ADGRA3: variants seen among roughly 807,000 people sequenced by gnomAD.
The protein encoded by ADGRA3 is G-protein coupled receptor 125.
In ADGRA3, 56 loss-of-function variants were observed where a neutral mutation model predicts 119.8. The ratio of observed to expected loss-of-function variants is 0.47; its 90% CI spans 0.38 to 0.58. ADGRA3 has a LOEUF of 0.58. Among genes scored for constraint, ADGRA3 ranks in the 20% least tolerant of loss-of-function variants. ADGRA3 has a pLI of 0.00. For synonymous variants in ADGRA3, 607 were observed against 623.8 expected, an observed-to-expected ratio of 0.97 and a Z score of 0.40; for missense variants, 1,516 against 1,649.0, an observed-to-expected ratio of 0.92 and a Z score of 1.40.
intron 14 of ADGRA3, among the ~76,000 whole-genome samples, chr4:22,408,087 C>T (rs897071964): frequency 3.9e-5 from 6 of 151,986 alleles, no homozygotes; most frequent in African/African-American, 1.4e-4. Flanking sequence ...TTTTTCCCCA[C>T]TAAGGAACAA....
intron 1 of ADGRA3, among the ~76,000 whole-genome samples, chr4:22,493,787 G>C (rs1718711524): frequency 6.6e-6 from 1 of 152,102 alleles, no homozygotes; most frequent in South Asian, 2.1e-4. Flanking sequence ...AAACAGTTAG[G>C]CATTCTAAGT....
Position 22,435,450 on chromosome 4 carries a change from G to A in ADGRA3, c.1304C>T (p.Thr435Ile). Reference protein sequence around the residue: ...YMFNQMPLNLTNAVATARQLL... With the variant: ...YMFNQMPLNLINAVATARQLL... ...CTGTCGAGCTGTTGCCACGGCATTGGTAAGATTGAGGGGCATCTACATTTC... is the reference window on the plus strand; with the variant it reads ...CTGTCGAGCTGTTGCCACGGCATTGATAAGATTGAGGGGCATCTACATTTC... The change falls in exon 10 of 19, where the codon ACC (threonine) becomes ATC (isoleucine). Residue 435 changes from threonine to isoleucine, a missense_variant. By Grantham distance (89) the Thr-to-Ile change is moderately conservative. This residue lies in a region of ADGRA3 where 1,088 missense variants were observed against 1,107.1 expected (regional missense o/e 0.98). Transcript: ENST00000334304. The A allele has an allele frequency of 6.2e-7, 1 of 1,601,768 alleles. No homozygotes were observed. The highest frequency in any genetic ancestry group is 8.5e-7 in the Non-Finnish European group (1 of 1,170,684).
chr4:22,450,255 T>A (rs1317506268), intron 4 of ADGRA3, among the ~76,000 whole-genome samples: 10 of 149,540 alleles, frequency 6.7e-5, no homozygotes, highest in Admixed American at 6.0e-4. Flanking sequence ...CCCACCCCCA[T>A]CCTTTATGCT....
intron 1 of ADGRA3, among the ~76,000 whole-genome samples, chr4:22,503,484 T>G (rs1229145500): frequency 1.3e-5 from 2 of 152,222 alleles, no homozygotes; most frequent in Admixed American, 1.3e-4. Flanking sequence ...TTAAAGAACC[T>G]GCATTACAGT....
chr4:22,442,508 G>A, intron 7 of ADGRA3, 142 bp downstream of exon 7: 2 of 533,004 alleles, frequency 3.8e-6, no homozygotes, highest in Non-Finnish European at 6.5e-6. Context: ...TAAGAACCAG[G>A]AAAAGGAAAT....
chr4:22,396,921 T>G (rs2109000096), intron 16 of ADGRA3, among the ~76,000 whole-genome samples: 1 of 152,306 alleles, frequency 6.6e-6, no homozygotes, highest in Admixed American at 6.5e-5. Flanking sequence ...ATTCATTTCC[T>G]TAGTGAAATA....
At chr4:22,471,357 T>A (rs2109117571) in intron 2 of ADGRA3, among the ~76,000 whole-genome samples, 1 of 152,094 alleles carries the variant, frequency 6.6e-6, no homozygotes, top group East Asian at 1.9e-4. Context: ...AGATAACTTT[T>A]GGGTACTGGG....
chr4:22,485,001 CT>C (rs1315702842), intron 1 of ADGRA3, among the ~76,000 whole-genome samples: 1 of 152,096 alleles, frequency 6.6e-6, no homozygotes, highest in Non-Finnish European at 1.5e-5. Context: ...AATAAATCCT[CT>C]GCTTAATTTT....
intron 1 of ADGRA3, among the ~76,000 whole-genome samples, chr4:22,513,845 C>CAAAAGAAAAAAAAAAAAAAAAAA (rs1719540288): frequency 3.2e-5 from 1 of 31,490 alleles, no homozygotes; most frequent in African/African-American, 9.9e-5. Context: ...AGCTTTCAGG[C>CAAAAGAAAAAAAAAAAAAAAAAA]AAAAAAAAAA....
chr4:22,459,458 CT>C (rs1717363416), intron 3 of ADGRA3, among the ~76,000 whole-genome samples: 1 of 151,474 alleles, frequency 6.6e-6, no homozygotes, highest in African/African-American at 2.4e-5. Flanking sequence ...ACTTGTACCC[CT>C]GAACTAAAAA....
At chr4:22,445,471 T>C (rs1464488399) in intron 5 of ADGRA3, among the ~76,000 whole-genome samples, 1 of 152,204 alleles carries the variant, frequency 6.6e-6, no homozygotes, top group Non-Finnish European at 1.5e-5. Context: ...ATCGAACTTC[T>C]ACCCATTTAT....
chr4:22,467,881 A>C (rs1192509433), intron 2 of ADGRA3, among the ~76,000 whole-genome samples: 1 of 152,212 alleles, frequency 6.6e-6, no homozygotes, highest in African/African-American at 2.4e-5. Context: ...TAATTGCTTA[A>C]ATAGAACTAA....
chr4:22,435,698 A>G (rs1716365963), intron 9 of ADGRA3, among the ~76,000 whole-genome samples: 1 of 152,200 alleles, frequency 6.6e-6, no homozygotes, highest in South Asian at 2.1e-4. Context: ...ATACATAAAA[A>G]TACATGAGGT....
rs1246872554 is a variant in ADGRA3 at position 22,420,917 on chromosome 4, A to T, written c.1778T>A (p.Val593Asp). The stretch of plus-strand genomic sequence containing the variant: ...TGCCAGACTCGAAAATGTATTTGAA[A>T]CATTGCACTTAAAGCTCAGCTGCTT... ...LDKQLSFKCN[V>D]SNTFSSLALK... Residue 593 changes from valine to aspartate, a missense_variant, in exon 12 of 19, where the codon GTT (valine) becomes GAT (aspartate). Val to Asp is a radical substitution (Grantham distance 152, BLOSUM62 -3). Around this residue, in one of 2 missense-constraint regions of ADGRA3, gnomAD observed 1,088 missense variants for 1,107.1 expected, o/e 0.98. Coordinates refer to ENST00000334304, the MANE Select transcript of ADGRA3 (RefSeq NM_145290.4). 1 of 1,614,120 alleles carries T rather than the reference A, an allele frequency of 6.2e-7. No homozygotes were observed. Among genetic ancestry groups the T allele is most frequent in the South Asian group, 1.1e-5 (1 of 91,080 alleles).
At position 22,446,864 on chromosome 4, in the gene ADGRA3, T is replaced by C. The variant is rs534124488; in HGVS notation, c.545+576A>G. Among the ~76,000 whole-genome samples, 294 of 152,224 alleles carry C rather than the reference T, an allele frequency of 1.9e-3. 1 individual carries two copies. Among genetic ancestry groups the C allele is most frequent in the African/African-American group, 6.7e-3 (280 of 41,546 alleles). ...TAAGGTTTATCTGAAAATAGTTACT[T>C]TCAAAATAACTTCTATGCAATCTCT... On this transcript the variant is annotated intron_variant, in intron 5 of 18. Coordinates refer to ENST00000334304, the MANE Select transcript of ADGRA3 (RefSeq NM_145290.4).
chr4:22,473,845 T>TA lies in ADGRA3; in HGVS notation c.258-3dup. 6.9e-6 allele frequency: 11 copies of TA among 1,589,844 alleles called. No homozygotes were observed. Among genetic ancestry groups the TA allele is most frequent in the Non-Finnish European group, 9.5e-6 (11 of 1,162,688 alleles). ...GATATCTTATTGTTACTCAGAATCC[T>TA]AAAAAATACCAAAAAAATAATAAGT... On this transcript the variant is annotated splice_region_variant and splice_polypyrimidine_tract_variant and intron_variant, in intron 1 of 18. Coordinates refer to ENST00000334304, the MANE Select transcript of ADGRA3 (RefSeq NM_145290.4).
At chr4:22,448,767 A>AT (rs1283410170) in intron 4 of ADGRA3, among the ~76,000 whole-genome samples, 2 of 152,280 alleles carry the variant, frequency 1.3e-5, no homozygotes, top group Non-Finnish European at 1.5e-5. Context: ...ATATTTTATA[A>AT]TTTTTTTGTA....
chr4:22,476,877 G>A (rs917611144), intron 1 of ADGRA3, among the ~76,000 whole-genome samples: 5 of 152,010 alleles, frequency 3.3e-5, no homozygotes, highest in African/African-American at 1.2e-4. Flanking sequence ...ATGATGGCCA[G>A]GCTGGTTTCG....
rs1713908676 is a variant in ADGRA3, at chr4:22,387,884, T to G, written c.3787A>C (p.Lys1263Gln). The G allele has an allele frequency of 6.8e-6, 11 of 1,614,192 alleles. No individual in the cohort carries two copies. The highest frequency in any genetic ancestry group is 9.3e-6 in the Non-Finnish European group (11 of 1,180,020). ...ACAGCTGGCTTCCTTAACGCATCTT[T>G]TTTACTAGTGGTTGAAACTGGCTTT... ...FEKPVSTTSK[K>Q]DALRKPAVVE... The change falls in exon 19 of 19, where the codon AAA becomes CAA. Residue 1263 changes from lysine (K) to glutamine (Q), a missense_variant. Physicochemically the swap from Lys to Gln is moderately conservative, Grantham distance 53 (BLOSUM62 1). Around this residue, in one of 2 missense-constraint regions of ADGRA3, gnomAD observed 1,088 missense variants for 1,107.1 expected, o/e 0.98. Coordinates refer to ENST00000334304, the MANE Select transcript of ADGRA3 (RefSeq NM_145290.4).
Sources: gnomAD v4.1 joint callset for allele counts (sites outside exome capture counted in the v4.1 genomes callset) on GRCh38, gnomAD v4.1.1 for gene constraint, gnomAD v4.1.1 regional missense constraint, MANE v1.5 for transcripts, NCBI Gene and HGNC (gene_info 2026-07-23, HGNC 2026-07-21) for gene names.